The following ADGRB1 variants were observed in gnomAD, a reference collection of about 807,000 sequenced individuals.
ADGRB1 encodes brain-specific angiogenesis inhibitor 1.
In ADGRB1, 36 loss-of-function variants were observed where a neutral mutation model predicts 175.7. The ratio of observed to expected loss-of-function variants is 0.20; its 90% CI spans 0.16 to 0.27. The LOEUF (loss-of-function observed/expected upper bound fraction) is 0.27, where lower values mean the gene tolerates loss of function less well. Among genes scored for constraint, ADGRB1 ranks in the 10% least tolerant of loss-of-function variants. The pLI, the probability that ADGRB1 is intolerant of heterozygous loss-of-function variation, is 1.00. For synonymous variants in ADGRB1, 1,054 were observed against 979.4 expected (o/e 1.08, Z -1.42); for missense variants, 1,731 against 2,255.3 (o/e 0.77, Z 4.71).
intron 17 of ADGRB1, among the ~76,000 whole-genome samples, chr8:142,509,386 C>T (rs1172378282): frequency 1.3e-5 from 2 of 152,192 alleles, no homozygotes; most frequent in African/African-American, 2.4e-5. Flanking sequence ...AGGACACAGC[C>T]GAGGCACAAA....
In ADGRB1 at chr8:142,542,542, C is replaced by T. The variant is rs1264654346; in HGVS notation, c.4308C>T (p.Pro1436=). 6.6e-7 allele frequency: 1 copy of T among 1,518,706 alleles called. No homozygotes were observed. 94.1% of individuals were successfully genotyped at this position (1,518,706 alleles called of 1,614,324 possible). ...CACCGCCCAATCTGGAGCCGGCACC[C>T]CCCAGCCTGGGGGATCCCGGGGAGC... ...LPPPPNLEPA[P]PSLGDPGEPA... Residue 1436 remains proline, a synonymous_variant, in exon 28 of 31, where the codon CCC becomes CCT. Coordinates refer to ENST00000517894, the MANE Select transcript of ADGRB1 (RefSeq NM_001702.3). The surrounding 1 kb of genome is among the most constrained non-coding windows in gnomAD (Gnocchi z 6.3).
At chr8:142,502,567 TA>T (rs1842670604) in intron 17 of ADGRB1, among the ~76,000 whole-genome samples, 3 of 98,018 alleles carry the variant, frequency 3.1e-5, no homozygotes, top group South Asian at 3.6e-4. Flanking sequence ...GTGGTGGTGA[TA>T]GGATGGTGGT....
At position 142,543,503 on chromosome 8, in the gene ADGRB1, C is replaced by A; in HGVS notation, c.4449+65C>A. The A allele has an allele frequency of 1.2e-6, 2 of 1,608,462 alleles. No individual in the cohort carries two copies. The highest frequency in any genetic ancestry group is 1.7e-6 in the Non-Finnish European group (2 of 1,177,090). On this transcript the variant is annotated intron_variant, in intron 29 of 30. Coordinates refer to ENST00000517894, the MANE Select transcript of ADGRB1 (RefSeq NM_001702.3). This position sits in a 1 kb window ranked among gnomAD's most constrained non-coding sequence, Gnocchi z 4.4. ...AGATGTGCTCTGGGCTCCCACACGG[C>A]CAGGCAGCTCCCCGGCAGCCAGGGG...
chr8:142,511,053 GC>G lies in ADGRB1; in HGVS notation c.2800del (p.Gln934SerfsTer16). 1 of 1,259,272 alleles carries G rather than the reference GC, an allele frequency of 7.9e-7. No individual in the cohort carries two copies. Among genetic ancestry groups the G allele is most frequent in the Non-Finnish European group, 1.0e-6 (1 of 983,602 alleles). 78.0% of individuals were successfully genotyped at this position (1,259,272 alleles called of 1,614,324 possible). On this transcript the variant is annotated frameshift_variant, in exon 18 of 31. Coordinates refer to ENST00000517894, the MANE Select transcript of ADGRB1 (RefSeq NM_001702.3). LOFTEE classifies it high-confidence loss of function. The surrounding 1 kb of genome is among the most constrained non-coding windows in gnomAD (Gnocchi z 4.5). Reference sequence around the variant, plus strand: ...CCGGCTCTCCACCTTCGCCATCTTAGCCCAGCTCAGCGCCGACGCGGTGAGA... The same window carrying G: ...CCGGCTCTCCACCTTCGCCATCTTAGCCAGCTCAGCGCCGACGCGGTGAGA... Reference protein sequence around the residue: ...CDRLSTFAILAQLSADANMEK... With the variant: ...CDRLSTFAILXQLSADANMEK...
chr8:142,513,794 CAG>C (rs1048276593), intron 18 of ADGRB1, among the ~76,000 whole-genome samples: 2 of 152,004 alleles, frequency 1.3e-5, no homozygotes, highest in Non-Finnish European at 2.9e-5. Flanking sequence ...GCAGCCATTG[CAG>C]AGTGAGGAAG....
chr8:142,484,793 C>T (rs367632142), intron 13 of ADGRB1, 29 bp downstream of exon 13: 2 of 1,521,296 alleles, frequency 1.3e-6, no homozygotes, highest in East Asian at 2.4e-5. Flanking sequence ...TGCCACCCCC[C>T]ATGCCTTGCT....
chr8:142,452,473 CG>C (rs1208720038), intron 1 of ADGRB1, among the ~76,000 whole-genome samples: 1 of 152,216 alleles, frequency 6.6e-6, no homozygotes, highest in Non-Finnish European at 1.5e-5. Context: ...GTGGAGCCCT[CG>C]GAGGCCCTTC....
intron 19 of ADGRB1, among the ~76,000 whole-genome samples, chr8:142,520,130 T>C: frequency 6.8e-6 from 1 of 147,548 alleles, no homozygotes; most frequent in East Asian, 2.0e-4. Context: ...ATGATGATGA[T>C]GGTGGTGATG....
chr8:142,500,268 GCGCCGCTCCTCCACCTCCCCACGCGCCGC>G (rs1842436148), intron 17 of ADGRB1, among the ~76,000 whole-genome samples: 2 of 38,068 alleles, frequency 5.3e-5, no homozygotes, highest in Admixed American at 6.5e-4. Flanking sequence ...ACCTCCCCAC[GCGCCGCTCCTCCACCTCCCCACGCGCCGC>G]TCCTCCACCT....
At position 142,455,304 on chromosome 8, in the gene ADGRB1, G is replaced by A. The variant is rs941582705; in HGVS notation, c.-220+5200G>A. On this transcript the variant is annotated intron_variant, in intron 1 of 30. Transcript: ENST00000517894. This position sits in a 1 kb window ranked among gnomAD's most constrained non-coding sequence, Gnocchi z 4.9. ...CACAGCCACCTCCCTCAGCATGATCGCTGTCACCTTGGCCCCCACCTTAGG... is the reference window on the plus strand; with the variant it reads ...CACAGCCACCTCCCTCAGCATGATCACTGTCACCTTGGCCCCCACCTTAGG... Among the ~76,000 whole-genome samples, 7 of 151,776 alleles carry A rather than the reference G, an allele frequency of 4.6e-5. No individual in the cohort carries two copies. The highest frequency in any genetic ancestry group is 8.8e-5 in the Non-Finnish European group (6 of 67,968).
chr8:142,464,523 G>A lies in ADGRB1; in HGVS notation c.325G>A (p.Glu109Lys), dbSNP rs1394784678. ...VRTYQFDSFLESTRTYLGVES... is the reference protein window; with the variant it reads ...VRTYQFDSFLKSTRTYLGVES... ...CACCTACCAGTTCGACTCCTTCCTCGAGTCCACGCGCACCTACCTGGGCGT... is the reference window on the plus strand; with the variant it reads ...CACCTACCAGTTCGACTCCTTCCTCAAGTCCACGCGCACCTACCTGGGCGT... Residue 109 changes from glutamate (E) to lysine (K), a missense_variant, in exon 2 of 31, where the codon GAG (glutamate) becomes AAG (lysine). Around this residue, in one of 8 missense-constraint regions of ADGRB1, gnomAD observed 383 missense variants for 383.1 expected, o/e 1.00. Coordinates refer to ENST00000517894, the MANE Select transcript of ADGRB1 (RefSeq NM_001702.3). The A allele has an allele frequency of 1.3e-6, 2 of 1,574,238 alleles. No homozygotes were observed. The highest frequency in any genetic ancestry group is 1.2e-5 in the South Asian group (1 of 85,878).
At position 142,455,872 on chromosome 8, in the gene ADGRB1, A is replaced by T. The variant is rs1238786626; in HGVS notation, c.-220+5768A>T. 6.6e-6 allele frequency among the ~76,000 whole-genome samples: 1 copy of T among 151,920 alleles called. No homozygotes were observed. The highest frequency in any genetic ancestry group is 1.5e-5 in the Non-Finnish European group (1 of 67,954). On this transcript the variant is annotated intron_variant, in intron 1 of 30. Coordinates refer to ENST00000517894, the MANE Select transcript of ADGRB1 (RefSeq NM_001702.3). The surrounding 1 kb of genome is among the most constrained non-coding windows in gnomAD (Gnocchi z 4.9). ...GCACACGGTTGGTCTTTGGGCCAGCACCTCTCTGAGGCTAAGTTGGCATCT... is the reference window on the plus strand; with the variant it reads ...GCACACGGTTGGTCTTTGGGCCAGCTCCTCTCTGAGGCTAAGTTGGCATCT...
intron 1 of ADGRB1, among the ~76,000 whole-genome samples, chr8:142,459,509 G>A (rs1839858993): frequency 6.6e-6 from 1 of 152,146 alleles, no homozygotes; most frequent in Non-Finnish European, 1.5e-5. Flanking sequence ...CTGGCTAAAT[G>A]CACCCTCTGG....
chr8:142,478,070 T>C (rs10481394), intron 6 of ADGRB1, 117 bp from the exon 7 acceptor site: 1,123,211 of 1,392,372 alleles, frequency 0.81, 454,028 homozygotes, highest in South Asian at 0.86. Flanking sequence ...GGTGTTCTCA[T>C]CTATGTCCCA....
chr8:142,539,246 C>T, intron 26 of ADGRB1, 128 bp from the exon 27 acceptor site: 2 of 932,638 alleles, frequency 2.1e-6, no homozygotes, highest in Non-Finnish European at 1.6e-6. Flanking sequence ...GGGCACTGGG[C>T]TGTGGACATG....
At chr8:142,528,787 C>G (rs576227034) in intron 24 of ADGRB1, among the ~76,000 whole-genome samples, 3 of 152,220 alleles carry the variant, frequency 2.0e-5, no homozygotes, top group Non-Finnish European at 4.4e-5. Flanking sequence ...CCCGTCCCCC[C>G]GATCCACTGC....
chr8:142,485,470 C>T (rs1402611817), intron 13 of ADGRB1, among the ~76,000 whole-genome samples: 5 of 152,180 alleles, frequency 3.3e-5, no homozygotes, highest in Non-Finnish European at 4.4e-5. Context: ...GTGGGAGGAT[C>T]GCTTGAGCCC....
intron 11 of ADGRB1, 77 bp from the exon 12 acceptor site, chr8:142,483,900 A>T: frequency 1.3e-6 from 2 of 1,501,784 alleles, no homozygotes; most frequent in Non-Finnish European, 1.8e-6. Flanking sequence ...CACACACTGA[A>T]TCCTGACCCT....
intron 25 of ADGRB1, among the ~76,000 whole-genome samples, chr8:142,533,669 A>G (rs115911778): frequency 9.9e-5 from 15 of 152,256 alleles, no homozygotes; most frequent in African/African-American, 2.9e-4. Flanking sequence ...GGAGCGGCCC[A>G]GGCAGTGCAG....
Sources: allele counts gnomAD v4.1 joint callset (sites outside exome capture counted in the v4.1 genomes callset), GRCh38; gene constraint gnomAD v4.1.1; regional missense constraint gnomAD v4.1.1; non-coding constraint Gnocchi (gnomAD v3.1); transcripts MANE v1.5; gene names NCBI Gene and HGNC (gene_info 2026-07-23, HGNC 2026-07-21).